Variants in OPRM1 observed in about 807,000 individuals in gnomAD.
The protein encoded by OPRM1 is opioid receptor mu 1.
OPRM1 carries 27 observed loss-of-function variants against 31.8 expected under a neutral mutation model. That is an observed-to-expected ratio of 0.85 (90% CI 0.63 to 1.17). OPRM1 has a LOEUF of 1.17. Ranked by LOEUF, OPRM1 falls within the 50% of genes most tolerant of loss-of-function variation. The pLI, the probability that OPRM1 is intolerant of heterozygous loss-of-function variation, is 0.00. For synonymous variants in OPRM1, 196 were observed against 189.9 expected (o/e 1.03, Z -0.26); for missense variants, 536 against 511.1 (o/e 1.05, Z -0.47).
chr6:154,069,872 A>G (rs1417790606), intron 1 of OPRM1, among the ~76,000 whole-genome samples: 1 of 152,010 alleles, frequency 6.6e-6, no homozygotes, highest in African/African-American at 2.4e-5. Context: ...CTTGTTAGTG[A>G]CTTTCTGATT....
intron 3 of OPRM1, among the ~76,000 whole-genome samples, chr6:154,192,318 C>CTGTGTGCTTG (rs1554291319): frequency 6.8e-6 from 1 of 148,030 alleles, no homozygotes; most frequent in South Asian, 2.2e-4. Context: ...CACGTGGTTA[C>CTGTGTGCTTG]TGTGTGTGTG....
chr6:154,239,126 G>A (rs1476684173), intron 3 of OPRM1, among the ~76,000 whole-genome samples: 2 of 152,018 alleles, frequency 1.3e-5, no homozygotes, highest in Non-Finnish European at 2.9e-5. Flanking sequence ...CAAGACAAAA[G>A]AAACCAACAT....
chr6:154,040,566 A>G (rs923667723), intron 1 of OPRM1, among the ~76,000 whole-genome samples: 3 of 152,154 alleles, frequency 2.0e-5, no homozygotes, highest in African/African-American at 7.2e-5. Flanking sequence ...TAAGTCACAA[A>G]CTGCATCTGG....
chr6:154,193,945 A>AT (rs1198302671), intron 3 of OPRM1, among the ~76,000 whole-genome samples: 1 of 137,620 alleles, frequency 7.3e-6, no homozygotes, highest in East Asian at 2.3e-4. Context: ...GATGTCCAAC[A>AT]TAACAGACTT....
At chr6:154,229,941 G>T in intron 3 of OPRM1, among the ~76,000 whole-genome samples, 1 of 152,174 alleles carries the variant, frequency 6.6e-6, no homozygotes, top group East Asian at 1.9e-4. Context: ...AAAACATTCT[G>T]CTAAGTGAAA....
At position 154,126,970 on chromosome 6, in the gene OPRM1, G is replaced by A. The variant is rs1451541333; in HGVS notation, c.*8249G>A. Among the ~76,000 whole-genome samples the A allele has an allele frequency of 2.6e-5, 4 of 152,102 alleles. No individual in the cohort carries two copies. Among genetic ancestry groups the A allele is most frequent in the South Asian group, 2.1e-4 (1 of 4,826 alleles). ...ACTAAAAATACAAAATTAGGAAGGC[G>A]TGGTGGTGCACGCCTGTAATCCCAG... is the stretch of plus-strand genomic sequence containing the variant. On this transcript the variant is annotated 3_prime_UTR_variant, in exon 4 of 4. Transcript: ENST00000330432.
At position 154,068,672 on chromosome 6, in the gene OPRM1, C is replaced by T. The variant is rs75755803; in HGVS notation, c.291-21154C>T. Among the ~76,000 whole-genome samples, 1,050 of 152,192 alleles carry T rather than the reference C, an allele frequency of 6.9e-3. 6 individuals are homozygous for T. Among genetic ancestry groups the T allele is most frequent in the Middle Eastern group, 0.024 (7 of 294 alleles). On this transcript the variant is annotated intron_variant, in intron 1 of 3. Coordinates refer to ENST00000330432, the MANE Select transcript of OPRM1 (RefSeq NM_000914.5). The stretch of plus-strand genomic sequence containing the variant: ...AATAGTGCTGCAATAAACATGGGAA[C>T]GTAGCTATCTCTTCAACATATTTAT...
At chr6:154,193,610 C>T (rs1483440490) in intron 3 of OPRM1, among the ~76,000 whole-genome samples, 4 of 152,094 alleles carry the variant, frequency 2.6e-5, no homozygotes, top group African/African-American at 9.7e-5. Flanking sequence ...AGAAAGAAAA[C>T]CAAGGATTTA....
chr6:154,100,453 T>G (rs1439813554), intron 3 of OPRM1, among the ~76,000 whole-genome samples: 1 of 151,622 alleles, frequency 6.6e-6, no homozygotes, highest in East Asian at 1.9e-4. Context: ...TCAAAGGAAA[T>G]TAACCATCTT....
chr6:154,039,660 G>A lies in OPRM1; in HGVS notation c.116G>A (p.Gly39Asp). The change falls in exon 1 of 4, where the codon GGC becomes GAC. Residue 39 changes from glycine (G) to aspartate (D), a missense_variant. Transcript: ENST00000330432. ...TGGGTCAACTTGTCCCACTTAGATG[G>A]CAACCTGTCCGACCCATGCGGTCCG... ...GSWVNLSHLDGNLSDPCGPNR... is the reference protein window; with the variant it reads ...GSWVNLSHLDDNLSDPCGPNR... The A allele has an allele frequency of 6.2e-7, 1 of 1,613,918 alleles. No individual in the cohort carries two copies. The highest frequency in any genetic ancestry group is 8.5e-7 in the Non-Finnish European group (1 of 1,179,818).
chr6:154,039,476 C>T lies in OPRM1; in HGVS notation c.-69C>T. 9 of 1,557,064 alleles carry T rather than the reference C, an allele frequency of 5.8e-6. No individual in the cohort carries two copies. The highest frequency in any genetic ancestry group is 7.8e-6 in the Non-Finnish European group (9 of 1,150,042). Reference sequence around the variant, plus strand: ...GCGGCGAAAGGAAGCGGCTGAGGCGCTTGGAACCCGAAAAGTCTCGGTGCT... The same window carrying T: ...GCGGCGAAAGGAAGCGGCTGAGGCGTTTGGAACCCGAAAAGTCTCGGTGCT... On this transcript the variant is annotated 5_prime_UTR_variant, in exon 1 of 4. Transcript: ENST00000330432.
At chr6:154,178,642 A>G (rs1468728125) in intron 3 of OPRM1, among the ~76,000 whole-genome samples, 1 of 152,252 alleles carries the variant, frequency 6.6e-6, no homozygotes, top group African/African-American at 2.4e-5. Context: ...GTAACCAGAC[A>G]TGAAAACAGA....
rs957881490 is a variant in OPRM1, at chr6:154,101,652, G to C, written c.1164+10180G>C. 1.2e-4 allele frequency among the ~76,000 whole-genome samples: 19 copies of C among 152,294 alleles called. No homozygotes were observed. In the South Asian group the frequency reaches 1.9e-3, roughly 15 times the overall value. Reference sequence around the variant, plus strand: ...ACTGGAACTGAAAAAGAACACTGCAGACTGTCTTATCCAAACATCCTTTTC... The same window carrying C: ...ACTGGAACTGAAAAAGAACACTGCACACTGTCTTATCCAAACATCCTTTTC... On this transcript the variant is annotated intron_variant, in intron 3 of 3. Transcript: ENST00000330432.
intron 3 of OPRM1, chr6:154,223,315 C>T (rs1438056030): frequency 3.5e-6 from 4 of 1,131,970 alleles, no homozygotes; most frequent in Non-Finnish European, 5.2e-6. Context: ...AGATCATATA[C>T]ATGGAATAGG....
intron 3 of OPRM1, among the ~76,000 whole-genome samples, chr6:154,173,701 G>A (rs925455293): frequency 6.6e-6 from 1 of 152,212 alleles, no homozygotes; most frequent in Non-Finnish European, 1.5e-5. Context: ...TTTGATTGGT[G>A]TAACTGAAAG....
chr6:154,236,535 C>T (rs1239793791), intron 3 of OPRM1, among the ~76,000 whole-genome samples: 1 of 152,148 alleles, frequency 6.6e-6, no homozygotes, highest in Non-Finnish European at 1.5e-5. Context: ...TTAAAAATGG[C>T]TAAGATGGTA....
At chr6:154,245,115 G>T (rs1384288428) in intron 3 of OPRM1, among the ~76,000 whole-genome samples, 2 of 152,126 alleles carry the variant, frequency 1.3e-5, no homozygotes, top group Non-Finnish European at 2.9e-5. Context: ...ACAGACCCAG[G>T]TTGCCTCAAT....
chr6:154,044,521 A>G (rs1411818453), intron 1 of OPRM1, among the ~76,000 whole-genome samples: 2 of 151,474 alleles, frequency 1.3e-5, no homozygotes, highest in South Asian at 4.2e-4. Context: ...AACTGATCTT[A>G]TTTTTTTTTA....
intron 3 of OPRM1, among the ~76,000 whole-genome samples, chr6:154,100,133 T>TATATC (rs1554275434): frequency 0.084 from 1,738 of 20,586 alleles, 136 homozygotes; most frequent in African/African-American, 0.17. Flanking sequence ...TATTATGACA[T>TATATC]ATAATATATA....
Sources: allele counts gnomAD v4.1 joint callset (sites outside exome capture counted in the v4.1 genomes callset), GRCh38; gene constraint gnomAD v4.1.1; transcripts MANE v1.5; gene names NCBI Gene and HGNC (gene_info 2026-07-23, HGNC 2026-07-21).